Variants in TENM4 observed in about 807,000 individuals in gnomAD.
The protein encoded by TENM4 is teneurin transmembrane protein 4, also known as teneurin-4.
TENM4 carries 82 observed loss-of-function variants against 243.3 expected under a neutral mutation model. The ratio of observed to expected loss-of-function variants is 0.34; its 90% CI spans 0.28 to 0.40. The LOEUF (loss-of-function observed/expected upper bound fraction) is 0.40, where lower values mean the gene tolerates loss of function less well. Ranked by LOEUF, TENM4 falls within the 10% of genes least tolerant of loss-of-function variation. The probability of loss-of-function intolerance (pLI) is 1.00; values close to 1 mark genes in which losing one functional copy is unlikely to be tolerated. For synonymous variants in TENM4, 1,412 were observed against 1,456.3 expected, an observed-to-expected ratio of 0.97 and a Z score of 0.69; for missense variants, 3,138 against 3,673.3, an observed-to-expected ratio of 0.85 and a Z score of 3.77.
chr11:78,776,154 C>G (rs1449161254), intron 17 of TENM4, among the ~76,000 whole-genome samples: 1 of 152,082 alleles, frequency 6.6e-6, no homozygotes, highest in Non-Finnish European at 1.5e-5. Context: ...CTCAATGGTC[C>G]CCCCTCAATT....
intron 1 of TENM4, among the ~76,000 whole-genome samples, chr11:79,299,108 A>G (rs541670117): frequency 1.5e-3 from 229 of 152,178 alleles, no homozygotes; most frequent in African/African-American, 5.3e-3. Flanking sequence ...ATACATACAC[A>G]CACACAATTT....
intron 6 of TENM4, among the ~76,000 whole-genome samples, chr11:78,960,871 G>A (rs929918626): frequency 6.6e-6 from 1 of 152,212 alleles, no homozygotes; most frequent in African/African-American, 2.4e-5. Flanking sequence ...CAGGCTGTCT[G>A]TAAATCCCCT....
intron 1 of TENM4, among the ~76,000 whole-genome samples, chr11:79,401,258 C>T (rs1240397702): frequency 1.3e-5 from 2 of 152,142 alleles, no homozygotes; most frequent in Admixed American, 6.5e-5. Flanking sequence ...GTGCTAGGCA[C>T]TGGAAATGAG....
intron 6 of TENM4, among the ~76,000 whole-genome samples, chr11:79,029,774 T>G (rs1591222961): frequency 1.3e-5 from 2 of 152,300 alleles, no homozygotes; most frequent in South Asian, 4.1e-4. Context: ...TTGGTATTTG[T>G]GACAAGTAGC....
intron 6 of TENM4, among the ~76,000 whole-genome samples, chr11:78,926,678 T>G (rs975713675): frequency 8.9e-6 from 1 of 112,974 alleles, no homozygotes; most frequent in Admixed American, 8.0e-5. Context: ...GTGTTTTTTG[T>G]TTTTTTTTTT....
chr11:78,717,962 A>G (rs879093993), intron 25 of TENM4, among the ~76,000 whole-genome samples: 1 of 152,176 alleles, frequency 6.6e-6, no homozygotes, highest in African/African-American at 2.4e-5. Flanking sequence ...GGGTTTCTGT[A>G]CTGAGCATGC....
chr11:79,128,795 A>G (rs971945615), intron 4 of TENM4, among the ~76,000 whole-genome samples: 1 of 152,176 alleles, frequency 6.6e-6, no homozygotes, highest in African/African-American at 2.4e-5. Context: ...GTGATTATAT[A>G]TGATTCATGG....
At chr11:78,775,847 T>A (rs572609011) in intron 17 of TENM4, among the ~76,000 whole-genome samples, 1 of 152,344 alleles carries the variant, frequency 6.6e-6, no homozygotes, top group South Asian at 2.1e-4. Context: ...GCCCTTTAAA[T>A]GACAAGGGAC....
intron 3 of TENM4, among the ~76,000 whole-genome samples, chr11:79,159,823 C>G (rs908765556): frequency 6.6e-6 from 1 of 152,196 alleles, no homozygotes; most frequent in Non-Finnish European, 1.5e-5. Flanking sequence ...CATTCATTTA[C>G]AGATGCCTTC....
At chr11:79,140,512 A>G (rs968967044) in intron 4 of TENM4, among the ~76,000 whole-genome samples, 1 of 152,062 alleles carries the variant, frequency 6.6e-6, no homozygotes, top group Non-Finnish European at 1.5e-5. Context: ...GACGCTTCCA[A>G]GTCTTGTGTG....
chr11:79,397,619 A>T (rs979072643), intron 1 of TENM4, among the ~76,000 whole-genome samples: 11 of 152,228 alleles, frequency 7.2e-5, no homozygotes, highest in Non-Finnish European at 1.3e-4. Flanking sequence ...CAGATACAGA[A>T]TAAGAGTAAG....
intron 6 of TENM4, among the ~76,000 whole-genome samples, chr11:78,989,653 G>T (rs745515280): frequency 3.3e-5 from 5 of 152,146 alleles, no homozygotes; most frequent in Non-Finnish European, 7.4e-5. Context: ...TAACTCATGG[G>T]GGTTTTTCCA....
At position 78,856,149 on chromosome 11, in the gene TENM4, T is replaced by C. The variant is rs1442234634; in HGVS notation, c.1285A>G (p.Ser429Gly). The C allele has an allele frequency of 3.2e-6, 5 of 1,551,496 alleles. No individual in the cohort carries two copies. The South Asian group carries it at 4.8e-5, about 15-fold the overall frequency. Residue 429 changes from serine to glycine, a missense_variant, in exon 11 of 34, where the codon AGT (serine) becomes GGT (glycine). Coordinates refer to ENST00000278550, the MANE Select transcript of TENM4 (RefSeq NM_001098816.3). ...TCAATTTCTCCAGAATCTATGAAAC[T>C]GTCCTCTGGAAAGAAACTACTGGGC... is the stretch of plus-strand genomic sequence containing the variant. ...GKPSSFFPED[S>G]FIDSGEIDVG... is the part of the protein sequence containing the mutation.
At chr11:79,148,512 T>C (rs1180564198) in intron 4 of TENM4, among the ~76,000 whole-genome samples, 198 bp downstream of exon 4, 1 of 152,006 alleles carries the variant, frequency 6.6e-6, no homozygotes, top group South Asian at 2.1e-4. Context: ...TTGAAACATA[T>C]AAAAATCTTG....
chr11:79,170,129 A>G (rs17137812), intron 3 of TENM4, among the ~76,000 whole-genome samples: 4,506 of 152,020 alleles, frequency 0.03, 246 homozygotes, highest in African/African-American at 0.1. Context: ...GGATAATGGT[A>G]CTAAGGGGAC....
chr11:79,392,759 G>T (rs1379276664), intron 1 of TENM4, among the ~76,000 whole-genome samples: 1 of 152,192 alleles, frequency 6.6e-6, no homozygotes, highest in East Asian at 1.9e-4. Context: ...AAAGCATGAC[G>T]TAGGGTTTAA....
intron 6 of TENM4, among the ~76,000 whole-genome samples, chr11:78,953,839 A>G (rs992332971): frequency 1.3e-5 from 2 of 152,114 alleles, no homozygotes; most frequent in Non-Finnish European, 2.9e-5. Flanking sequence ...AAGAGAGAAG[A>G]CTGTACTATT....
At chr11:78,955,285 C>T (rs762357716) in intron 6 of TENM4, among the ~76,000 whole-genome samples, 4 of 152,220 alleles carry the variant, frequency 2.6e-5, no homozygotes, top group Admixed American at 6.5e-5. Flanking sequence ...CAGAGGAGAA[C>T]GAGCTTCGGG....
intron 12 of TENM4, among the ~76,000 whole-genome samples, chr11:78,838,018 G>A (rs1447136622): frequency 6.6e-6 from 1 of 152,054 alleles, no homozygotes; most frequent in Non-Finnish European, 1.5e-5. Flanking sequence ...TTCCCAAAGG[G>A]TTGTACTGAT....
Sources: allele counts gnomAD v4.1 joint callset (sites outside exome capture counted in the v4.1 genomes callset), GRCh38; gene constraint gnomAD v4.1.1; transcripts MANE v1.5; gene names NCBI Gene and HGNC (gene_info 2026-07-23, HGNC 2026-07-21).